Variants in ROBO2 observed in about 807,000 individuals in gnomAD.
ROBO2 encodes roundabout homolog 2.
Under a neutral mutation model 160.8 loss-of-function variants are expected in ROBO2, and 53 were observed. The observed-to-expected ratio is 0.33, with a 90% confidence interval of 0.26 to 0.41. The LOEUF (loss-of-function observed/expected upper bound fraction) is 0.41. Among genes scored for constraint, ROBO2 ranks in the 10% least tolerant of loss-of-function variants. The probability of loss-of-function intolerance (pLI) is 1.00; values close to 1 mark genes in which losing one functional copy is unlikely to be tolerated. For missense variants in ROBO2, 1,577 were observed against 1,722.4 expected, an observed-to-expected ratio of 0.92 and a Z score of 1.49; for synonymous variants, 664 against 611.7, an observed-to-expected ratio of 1.09 and a Z score of -1.26.
At chr3:76,297,290 A>T (rs965726934) in intron 2 of ROBO2, among the ~76,000 whole-genome samples, 1 of 152,212 alleles carries the variant, frequency 6.6e-6, no homozygotes, top group Non-Finnish European at 1.5e-5. Flanking sequence ...ATCAGTCTAA[A>T]GAAGAGTTAA....
chr3:77,314,902 T>C lies in ROBO2; in HGVS notation c.389-162512T>C, dbSNP rs575804002. Among the ~76,000 whole-genome samples the C allele has an allele frequency of 2.0e-5, 3 of 152,344 alleles. No homozygotes were observed. The East Asian group carries it at 5.8e-4, about 29-fold the overall frequency. ...ACTTATTTTTGGCCTTCTTTTTGCTTAAATTTCAGTAGCATGTTTTCTCTT... is the reference window on the plus strand; with the variant it reads ...ACTTATTTTTGGCCTTCTTTTTGCTCAAATTTCAGTAGCATGTTTTCTCTT... On this transcript the variant is annotated intron_variant, in intron 2 of 25. Transcript: ENST00000461745.
chr3:76,887,902 G>T (rs1045430714), intron 2 of ROBO2, among the ~76,000 whole-genome samples: 7 of 152,164 alleles, frequency 4.6e-5, no homozygotes, highest in Non-Finnish European at 5.9e-5. Flanking sequence ...TAAACCTTGA[G>T]CTTGGGAGTC....
intron 2 of ROBO2, among the ~76,000 whole-genome samples, chr3:77,176,688 T>C (rs2080193291): frequency 6.6e-6 from 1 of 151,978 alleles, no homozygotes; most frequent in African/African-American, 2.4e-5. Context: ...CAAAAATATT[T>C]TAGATTAGTG....
intron 2 of ROBO2, among the ~76,000 whole-genome samples, chr3:77,361,316 C>A (rs1486440168): frequency 6.6e-6 from 1 of 152,002 alleles, no homozygotes. Context: ...ATTTGTTATT[C>A]ATCTGAAATC....
intron 2 of ROBO2, among the ~76,000 whole-genome samples, chr3:77,144,741 G>A (rs571924537): frequency 2.2e-4 from 33 of 152,144 alleles, no homozygotes; most frequent in Admixed American, 3.9e-4. Flanking sequence ...AAGCTGACTG[G>A]GAGAAGGAGG....
intron 2 of ROBO2, among the ~76,000 whole-genome samples, chr3:76,132,295 C>T (rs186217796): frequency 1.5e-4 from 22 of 147,888 alleles, no homozygotes; most frequent in Admixed American, 2.1e-4. Context: ...CTCTTTGCTG[C>T]AGTGTTGCAG....
At chr3:76,653,538 A>G (rs1313281997) in intron 2 of ROBO2, among the ~76,000 whole-genome samples, 1 of 152,078 alleles carries the variant, frequency 6.6e-6, no homozygotes, top group Non-Finnish European at 1.5e-5. Flanking sequence ...CTTAAAGTGA[A>G]ATGGAGGAAA....
intron 2 of ROBO2, among the ~76,000 whole-genome samples, chr3:76,452,931 G>A (rs1250393039): frequency 2.6e-5 from 4 of 152,014 alleles, no homozygotes; most frequent in East Asian, 1.9e-4. Flanking sequence ...GCCAGTGATG[G>A]TGAGCATTTT....
At chr3:77,322,512 T>C (rs1045945792) in intron 2 of ROBO2, among the ~76,000 whole-genome samples, 1 of 151,874 alleles carries the variant, frequency 6.6e-6, no homozygotes, top group Non-Finnish European at 1.5e-5. Flanking sequence ...AATTTCTCAA[T>C]TTAAAGGAAC....
intron 2 of ROBO2, among the ~76,000 whole-genome samples, chr3:77,200,264 ATTTT>A (rs1262532276): frequency 2.4e-4 from 16 of 65,314 alleles, no homozygotes; most frequent in Non-Finnish European, 3.7e-4. Context: ...TAACTAACAT[ATTTT>A]ATATATATAT....
intron 2 of ROBO2, among the ~76,000 whole-genome samples, chr3:77,241,155 C>T (rs1374882403): frequency 1.3e-5 from 2 of 152,042 alleles, no homozygotes; most frequent in African/African-American, 2.4e-5. Context: ...ATCATTTGTG[C>T]GTCCAGTGAC....
chr3:76,007,473 A>T (rs953793501), intron 2 of ROBO2, among the ~76,000 whole-genome samples: 2 of 152,176 alleles, frequency 1.3e-5, no homozygotes, highest in African/African-American at 4.8e-5. Flanking sequence ...TCGAAAGTGT[A>T]CTTATGTTAA....
At position 76,215,567 on chromosome 3, in the gene ROBO2, A is replaced by G. The variant is rs551136270; in HGVS notation, c.109+277965A>G. Among the ~76,000 whole-genome samples, 7 of 152,312 alleles carry G rather than the reference A, an allele frequency of 4.6e-5. No homozygotes were observed. In the East Asian group the frequency reaches 1.4e-3, roughly 29 times the overall value. ...CTGGAAGACAGGGTATCAGCAATGG[A>G]AGATGAAATGAATGAAATGAAGCGT... On this transcript the variant is annotated intron_variant, in intron 2 of 26. Transcript: ENST00000487694.
In ROBO2 at chr3:77,550,178, T is replaced by A. The variant is rs76478582; in HGVS notation, c.1060-640T>A. 2.0e-4 allele frequency among the ~76,000 whole-genome samples: 30 copies of A among 152,176 alleles called. No homozygotes were observed. In the East Asian group the frequency reaches 5.6e-3, roughly 29 times the overall value. ...ATGAAATTGTTTAAGGTAACACACT[T>A]TTAGAAACATTCTACATTTTCTTTT... On this transcript the variant is annotated intron_variant, in intron 7 of 25. Coordinates refer to ENST00000461745, the Ensembl canonical transcript of ROBO2.
chr3:76,431,348 C>T (rs2076429613), intron 2 of ROBO2, among the ~76,000 whole-genome samples: 1 of 151,920 alleles, frequency 6.6e-6, no homozygotes, highest in Non-Finnish European at 1.5e-5. Context: ...TCTATAGTGA[C>T]TAAAAAGTAG....
intron 2 of ROBO2, among the ~76,000 whole-genome samples, chr3:77,284,678 T>C (rs1310220052): frequency 6.6e-6 from 1 of 152,246 alleles, no homozygotes; most frequent in East Asian, 1.9e-4. Flanking sequence ...CAATTTGCCT[T>C]CTTCTTTGCT....
chr3:77,638,440 G>A (rs896215299), intron 24 of ROBO2, among the ~76,000 whole-genome samples: 8 of 152,152 alleles, frequency 5.3e-5, no homozygotes, highest in Admixed American at 5.2e-4. Context: ...TTGTTGGGAG[G>A]TTGTAATGGC....
chr3:76,472,063 A>ATGTGTGTGTGTG (rs57259386), intron 2 of ROBO2, among the ~76,000 whole-genome samples: 5 of 137,944 alleles, frequency 3.6e-5, no homozygotes, highest in Admixed American at 1.4e-4. Context: ...GTCTGATAAA[A>ATGTGTGTGTGTG]TGTGTGTGTG....
At chr3:77,477,304 CA>C (rs2084128345) in intron 2 of ROBO2, 109 bp from the exon 3 acceptor site, 2 of 1,091,640 alleles carry the variant, frequency 1.8e-6, no homozygotes, top group Non-Finnish European at 2.8e-6. Flanking sequence ...AGTAAAAATC[CA>C]GGCAATTTTT....
Sources: allele counts gnomAD v4.1 joint callset (sites outside exome capture counted in the v4.1 genomes callset), GRCh38; gene constraint gnomAD v4.1.1; transcripts MANE v1.5; gene names NCBI Gene and HGNC (gene_info 2026-07-23, HGNC 2026-07-21).